The following RBPJ variants were observed in gnomAD, a reference collection of about 807,000 sequenced individuals.
RBPJ encodes the protein recombining binding protein suppressor of hairless.
In RBPJ, 9 loss-of-function variants were observed where a neutral mutation model predicts 67.8. That is an observed-to-expected ratio of 0.13 (90% confidence interval 0.08 to 0.23). The LOEUF (loss-of-function observed/expected upper bound fraction) is 0.23. RBPJ is among the 10% of genes least tolerant of loss of function. RBPJ has a pLI of 1.00. For missense variants in RBPJ, 305 were observed against 595.6 expected, an observed-to-expected ratio of 0.51 and a Z score of 5.08; for synonymous variants, 198 against 203.3, an observed-to-expected ratio of 0.97 and a Z score of 0.22.
At chr4:26,129,946 C>G in the RBPJ span, among the ~76,000 whole-genome samples, 5 of 152,208 alleles carry the variant, frequency 3.3e-5, no homozygotes, top group East Asian at 7.7e-4. Context: ...ACTGCAACCT[C>G]TGCCTCCCAG....
chr4:26,222,706 A>G (rs983766487), intron 1 of RBPJ, among the ~76,000 whole-genome samples: 2 of 150,518 alleles, frequency 1.3e-5, no homozygotes, highest in East Asian at 3.9e-4. Context: ...ACAGATGAAC[A>G]AACAAGTGAA....
intron 1 of RBPJ, among the ~76,000 whole-genome samples, chr4:26,257,111 G>A (rs537515132): frequency 2.0e-5 from 3 of 152,276 alleles, no homozygotes; most frequent in Admixed American, 2.0e-4. Flanking sequence ...AGTATTTGTT[G>A]AGTATATGTA....
At chr4:26,195,453 T>C (rs1011619266) in intron 1 of RBPJ, among the ~76,000 whole-genome samples, 1 of 152,206 alleles carries the variant, frequency 6.6e-6, no homozygotes, top group African/African-American at 2.4e-5. Flanking sequence ...AGTAAGATAC[T>C]GTCTCAAATA....
At chr4:26,351,175 C>T (rs1244199538) in intron 1 of RBPJ, among the ~76,000 whole-genome samples, 1 of 152,134 alleles carries the variant, frequency 6.6e-6, no homozygotes, top group Non-Finnish European at 1.5e-5. Context: ...CTCCCAGGCC[C>T]ATCCTGTGGA....
intron 1 of RBPJ, among the ~76,000 whole-genome samples, chr4:26,240,569 G>A (rs1719602001): frequency 6.6e-6 from 1 of 152,196 alleles, no homozygotes; most frequent in Non-Finnish European, 1.5e-5. Flanking sequence ...AGAAGAACAT[G>A]AGGAAGAGCA....
chr4:26,335,009 T>G (rs1049640879), intron 1 of RBPJ, among the ~76,000 whole-genome samples: 1 of 152,208 alleles, frequency 6.6e-6, no homozygotes, highest in African/African-American at 2.4e-5. Flanking sequence ...CTCATTAAAC[T>G]TGCCTTTTCC....
At chr4:26,231,601 G>A (rs1253801447) in intron 1 of RBPJ, among the ~76,000 whole-genome samples, 1 of 151,794 alleles carries the variant, frequency 6.6e-6, no homozygotes, top group Admixed American at 6.6e-5. Context: ...TAGTAGAGAT[G>A]GGGTTTCACC....
chr4:26,117,668 T>C, the RBPJ span, among the ~76,000 whole-genome samples: 1 of 152,204 alleles, frequency 6.6e-6, no homozygotes, highest in Non-Finnish European at 1.5e-5. Context: ...ATTGACTTTA[T>C]AACCCTTTGA....
At chr4:26,184,894 C>T (rs1177134415) in intron 1 of RBPJ, among the ~76,000 whole-genome samples, 1 of 152,122 alleles carries the variant, frequency 6.6e-6, no homozygotes, top group South Asian at 2.1e-4. Context: ...GTAATCCCAG[C>T]ACTTTGGGAG....
Position 26,406,163 on chromosome 4 carries a change from A to G in RBPJ, c.60-12A>G. 1 of 1,547,486 alleles carries G rather than the reference A, an allele frequency of 6.5e-7. No individual in the cohort carries two copies. Among genetic ancestry groups the G allele is most frequent in the South Asian group, 1.1e-5 (1 of 89,556 alleles). ...TCACCTCTGTAACAGTAATATTTGT[A>G]TTTGTTTTTAGGGAAGCTATGCGAA... On this transcript the variant is annotated splice_polypyrimidine_tract_variant and intron_variant, in intron 2 of 10. Coordinates refer to ENST00000355476, the MANE Select transcript of RBPJ (RefSeq NM_015874.6).
intron 3 of RBPJ, among the ~76,000 whole-genome samples, chr4:26,407,700 G>A (rs1173041510): frequency 6.6e-6 from 1 of 152,054 alleles, no homozygotes; most frequent in Non-Finnish European, 1.5e-5. Context: ...TTTTGGGATT[G>A]TTGTGAAAGG....
chr4:26,318,794 C>G (rs1297810137), upstream of RBPJ, among the ~76,000 whole-genome samples: 1 of 151,656 alleles, frequency 6.6e-6, no homozygotes, highest in Non-Finnish European at 1.5e-5. Context: ...GTCAGGAGAT[C>G]GAGACCATCC....
intron 3 of RBPJ, among the ~76,000 whole-genome samples, chr4:26,407,243 G>A (rs908592962): frequency 1.3e-5 from 2 of 152,138 alleles, no homozygotes; most frequent in African/African-American, 2.4e-5. Context: ...TCCTAAAACT[G>A]TCTTGAGCTT....
intron 1 of RBPJ, among the ~76,000 whole-genome samples, chr4:26,374,227 AC>A (rs1309598806): frequency 9.2e-5 from 14 of 152,288 alleles, no homozygotes; most frequent in Non-Finnish European, 1.6e-4. Context: ...GGCGTGAGCC[AC>A]CATGCTCTGC....
intron 2 of RBPJ, among the ~76,000 whole-genome samples, chr4:26,392,657 G>C (rs1024144110): frequency 6.6e-6 from 1 of 152,190 alleles, no homozygotes; most frequent in African/African-American, 2.4e-5. Context: ...GTTTCCTGGG[G>C]ATAGGGGGAG....
intron 1 of RBPJ, among the ~76,000 whole-genome samples, chr4:26,373,337 G>T (rs550185493): frequency 1.3e-4 from 20 of 152,076 alleles, no homozygotes; most frequent in African/African-American, 4.6e-4. Flanking sequence ...TTTCCTTAGG[G>T]GCAGGCTTCT....
Position 26,264,119 on chromosome 4 carries a change from G to T in RBPJ, c.-166-98327G>T, listed in dbSNP as rs1720635410. Among the ~76,000 whole-genome samples the T allele has an allele frequency of 1.3e-5, 2 of 151,894 alleles. No homozygotes were observed. Among genetic ancestry groups the T allele is most frequent in the African/African-American group, 4.8e-5 (2 of 41,384 alleles). ...GGCTGGTCTTGAACTCTCGACTCAGGTGATCCACCCAACTCAACCTCCCAA... is the reference window on the plus strand; with the variant it reads ...GGCTGGTCTTGAACTCTCGACTCAGTTGATCCACCCAACTCAACCTCCCAA... On this transcript the variant is annotated intron_variant, in intron 1 of 4. Coordinates refer to the RBPJ transcript ENST00000512351. The surrounding 1 kb of genome is among the most constrained non-coding windows in gnomAD (Gnocchi z 4.1).
At chr4:26,245,646 G>A (rs1719903164) in intron 1 of RBPJ, among the ~76,000 whole-genome samples, 1 of 152,096 alleles carries the variant, frequency 6.6e-6, no homozygotes, top group Non-Finnish European at 1.5e-5. Context: ...AGAAATCATT[G>A]CCTAATCCAC....
chr4:26,218,436 C>G (rs73245734), intron 1 of RBPJ, among the ~76,000 whole-genome samples: 1 of 152,098 alleles, frequency 6.6e-6, no homozygotes, highest in East Asian at 1.9e-4. Context: ...ATCCCATCCC[C>G]TCTACCCCCC....
Sources: allele counts gnomAD v4.1 joint callset (sites outside exome capture counted in the v4.1 genomes callset), GRCh38; gene constraint gnomAD v4.1.1; non-coding constraint Gnocchi (gnomAD v3.1); transcripts MANE v1.5; gene names NCBI Gene and HGNC (gene_info 2026-07-23, HGNC 2026-07-21).